The following SPATA13 variants were observed in gnomAD, a reference collection of about 807,000 sequenced individuals.
SPATA13 encodes the protein spermatogenesis-associated protein 13.
A neutral mutation model predicts 104.0 loss-of-function variants in SPATA13; 50 were observed. The ratio of observed to expected loss-of-function variants is 0.48; its 90% CI spans 0.38 to 0.61. The LOEUF (loss-of-function observed/expected upper bound fraction) is 0.61, where lower values mean the gene tolerates loss of function less well. SPATA13 is among the 20% of genes least tolerant of loss of function. The pLI, the probability that SPATA13 is intolerant of heterozygous loss-of-function variation, is 0.00. For missense variants in SPATA13, 1,524 were observed against 1,690.6 expected, an observed-to-expected ratio of 0.90 and a Z score of 1.73; for synonymous variants, 606 against 667.5, an observed-to-expected ratio of 0.91 and a Z score of 1.42.
At chr13:24,269,324 G>T (rs959719463) in intron 4 of SPATA13, among the ~76,000 whole-genome samples, 5 of 152,138 alleles carry the variant, frequency 3.3e-5, no homozygotes, top group Non-Finnish European at 7.4e-5. Flanking sequence ...TATAAAGCAT[G>T]CATTTTACTA....
intron 3 of SPATA13, among the ~76,000 whole-genome samples, chr13:24,135,279 G>A (rs1468417379): frequency 6.6e-6 from 1 of 152,144 alleles, no homozygotes; most frequent in East Asian, 1.9e-4. Flanking sequence ...TTAGGAAAGA[G>A]ACAGTACAAC....
chr13:24,242,372 G>T (rs1009365357), intron 2 of SPATA13, among the ~76,000 whole-genome samples: 1 of 152,210 alleles, frequency 6.6e-6, no homozygotes, highest in African/African-American at 2.4e-5. Context: ...TGCAGACTGC[G>T]TGTGTGATAA....
intron 7 of SPATA13, among the ~76,000 whole-genome samples, chr13:24,287,350 A>T (rs1248506837): frequency 6.6e-6 from 1 of 152,086 alleles, no homozygotes; most frequent in African/African-American, 2.4e-5. Context: ...TTATATAGAG[A>T]TAGGGTCTCA....
chr13:24,108,764 C>T (rs1415780957), intron 3 of SPATA13, among the ~76,000 whole-genome samples: 1 of 152,150 alleles, frequency 6.6e-6, no homozygotes, highest in Admixed American at 6.5e-5. Flanking sequence ...GGCCCCGAGC[C>T]CACAGTTCCT....
chr13:24,157,283 C>CTTTTTCTTT (rs369654431), upstream of SPATA13, among the ~76,000 whole-genome samples: 18 of 117,778 alleles, frequency 1.5e-4, 1 homozygote, highest in South Asian at 4.0e-3. Context: ...CAGGTAACTC[C>CTTTTTCTTT]TTTTTCTTTT....
intron 1 of SPATA13, among the ~76,000 whole-genome samples, chr13:24,164,595 T>C (rs569477514): frequency 1.3e-5 from 2 of 152,200 alleles, no homozygotes; most frequent in African/African-American, 4.8e-5. Flanking sequence ...TGGTTATAAC[T>C]GAGGAGCAAG....
intron 1 of SPATA13, among the ~76,000 whole-genome samples, chr13:24,202,111 T>A (rs897141877): frequency 7.8e-6 from 1 of 128,132 alleles, no homozygotes; most frequent in African/African-American, 2.8e-5. Context: ...AATAAATAAA[T>A]AAAAAGTGAC....
chr13:24,264,158 C>T (rs2138683892), intron 4 of SPATA13, among the ~76,000 whole-genome samples: 1 of 151,980 alleles, frequency 6.6e-6, no homozygotes, highest in Admixed American at 6.6e-5. Context: ...TTTTAGCAAG[C>T]TCATGAAATT....
chr13:24,298,832 T>G (rs1876974459), intron 11 of SPATA13, among the ~76,000 whole-genome samples: 1 of 152,186 alleles, frequency 6.6e-6, no homozygotes, highest in Admixed American at 6.5e-5. Context: ...TGGAGGGATT[T>G]ACAAGTTGGT....
chr13:24,227,499 G>A (rs1257774397), intron 2 of SPATA13, among the ~76,000 whole-genome samples: 4 of 152,116 alleles, frequency 2.6e-5, no homozygotes, highest in Admixed American at 6.6e-5. Flanking sequence ...TTAAAGGTGC[G>A]TGCACATGTT....
chr13:24,300,330 T>C (rs1877094144), intron 11 of SPATA13, 71 bp from the exon 12 acceptor site: 1 of 1,207,974 alleles, frequency 8.3e-7, no homozygotes. Context: ...TGATATGGGC[T>C]GTGATACAAG....
chr13:23,998,927 G>GATTTTTTTTT (rs144157914), intron 2 of SPATA13, among the ~76,000 whole-genome samples: 2 of 145,816 alleles, frequency 1.4e-5, no homozygotes. Flanking sequence ...CACTAACTTT[G>GATTTTTTTTT]GTTTTTTTTT....
At chr13:23,988,150 G>A (rs1320064648) in intron 2 of SPATA13, among the ~76,000 whole-genome samples, 1 of 152,060 alleles carries the variant, frequency 6.6e-6, no homozygotes, top group Non-Finnish European at 1.5e-5. Context: ...TCACTGTGTT[G>A]GCCAGGCTGG....
intron 3 of SPATA13, among the ~76,000 whole-genome samples, chr13:24,106,090 G>A (rs1393922624): frequency 6.6e-6 from 1 of 152,226 alleles, no homozygotes; most frequent in East Asian, 1.9e-4. Flanking sequence ...CTGGAGTGCA[G>A]TGGCACAATC....
intron 3 of SPATA13, among the ~76,000 whole-genome samples, chr13:24,089,851 G>C (rs182346255): frequency 6.6e-6 from 1 of 152,188 alleles, no homozygotes; most frequent in Non-Finnish European, 1.5e-5. Context: ...AGCAGGTTTG[G>C]TGTTTGGTGA....
intron 3 of SPATA13, among the ~76,000 whole-genome samples, chr13:24,120,726 A>G (rs531368654): frequency 6.6e-6 from 1 of 152,358 alleles, no homozygotes; most frequent in East Asian, 1.9e-4. Flanking sequence ...GCTTAAAATC[A>G]AAATTAAGGT....
chr13:24,130,025 C>T (rs1488050202), intron 3 of SPATA13, among the ~76,000 whole-genome samples: 1 of 152,194 alleles, frequency 6.6e-6, no homozygotes, highest in Non-Finnish European at 1.5e-5. Context: ...GTGAGGTAGC[C>T]AGGAGGCTAC....
chr13:23,988,847 T>TTTA (rs1420675147), intron 2 of SPATA13, among the ~76,000 whole-genome samples: 1 of 152,224 alleles, frequency 6.6e-6, no homozygotes, highest in African/African-American at 2.4e-5. Context: ...CCCCCTCTTC[T>TTTA]TTATATTGGC....
intron 4 of SPATA13, among the ~76,000 whole-genome samples, chr13:24,260,550 A>C (rs1464540569): frequency 2.0e-5 from 3 of 152,250 alleles, no homozygotes; most frequent in Admixed American, 2.0e-4. Flanking sequence ...ATGTAAGCAA[A>C]TAAAATGTGA....
Sources: allele counts gnomAD v4.1 joint callset (sites outside exome capture counted in the v4.1 genomes callset), GRCh38; gene constraint gnomAD v4.1.1; transcripts MANE v1.5; gene names NCBI Gene and HGNC (gene_info 2026-07-23, HGNC 2026-07-21).